The following MED12L variants were observed in gnomAD, a reference collection of about 807,000 sequenced individuals.
The protein encoded by MED12L is mediator of RNA polymerase II transcription subunit 12-like protein.
A neutral mutation model predicts 281.3 loss-of-function variants in MED12L; 60 were observed. The ratio of observed to expected loss-of-function variants is 0.21; its 90% CI spans 0.17 to 0.26. The LOEUF (loss-of-function observed/expected upper bound fraction) is 0.26, where lower values mean the gene tolerates loss of function less well. Among genes scored for constraint, MED12L ranks in the 10% least tolerant of loss-of-function variants. The pLI, the probability that MED12L is intolerant of heterozygous loss-of-function variation, is 1.00. For synonymous variants in MED12L, 974 were observed against 987.2 expected (o/e 0.99, Z 0.25); for missense variants, 2,146 against 2,680.9 (o/e 0.80, Z 4.41).
At chr3:151,349,591 A>AT (rs79411212) in intron 16 of MED12L, among the ~76,000 whole-genome samples, 19,327 of 152,020 alleles carry the variant, frequency 0.13, 2,085 homozygotes, top group African/African-American at 0.29. Flanking sequence ...GTCCAGGAAT[A>AT]TTTTTTATAA....
chr3:151,117,803 G>A (rs907728397), intron 3 of MED12L, among the ~76,000 whole-genome samples: 13 of 151,624 alleles, frequency 8.6e-5, no homozygotes, highest in African/African-American at 3.2e-4. Context: ...TATCAATTAG[G>A]AATATAGGCT....
intron 16 of MED12L, among the ~76,000 whole-genome samples, chr3:151,270,353 C>T (rs564485186): frequency 6.6e-6 from 1 of 152,098 alleles, no homozygotes; most frequent in South Asian, 2.1e-4. Flanking sequence ...GGAAAAGGAT[C>T]TCTACCCCTT....
chr3:151,183,312 G>A (rs1722920162), intron 11 of MED12L, among the ~76,000 whole-genome samples: 1 of 152,182 alleles, frequency 6.6e-6, no homozygotes, highest in Non-Finnish European at 1.5e-5. Context: ...ATTCTGCTCT[G>A]TGTTTGCTGT....
chr3:151,151,327 G>A (rs1001932890), intron 5 of MED12L, among the ~76,000 whole-genome samples: 2 of 151,804 alleles, frequency 1.3e-5, no homozygotes, highest in African/African-American at 4.8e-5. Flanking sequence ...GTGAGCCACC[G>A]CACCCAGCCT....
intron 16 of MED12L, among the ~76,000 whole-genome samples, chr3:151,257,427 G>C (rs1193659095): frequency 1.3e-5 from 2 of 152,192 alleles, no homozygotes; most frequent in African/African-American, 2.4e-5. Flanking sequence ...GCCTTAGTTA[G>C]AATACCGGCT....
At chr3:151,116,032 C>T (rs1712731067) in intron 2 of MED12L, among the ~76,000 whole-genome samples, 1 of 146,498 alleles carries the variant, frequency 6.8e-6, no homozygotes, top group Non-Finnish European at 1.5e-5. Flanking sequence ...CCGCTGCACT[C>T]CAGGCTGGGC....
intron 5 of MED12L, among the ~76,000 whole-genome samples, chr3:151,154,111 G>A (rs1718944394): frequency 6.6e-6 from 1 of 152,052 alleles, no homozygotes; most frequent in Non-Finnish European, 1.5e-5. Context: ...AATTATTAAG[G>A]AGTACAGTAC....
chr3:151,271,592 G>A (rs957534751), intron 16 of MED12L, among the ~76,000 whole-genome samples: 2 of 152,128 alleles, frequency 1.3e-5, no homozygotes, highest in Non-Finnish European at 2.9e-5. Flanking sequence ...CCAAAAGTTG[G>A]GAACAACCCA....
intron 4 of MED12L, among the ~76,000 whole-genome samples, chr3:151,127,398 A>G (rs534778380): frequency 6.6e-6 from 1 of 152,340 alleles, no homozygotes; most frequent in East Asian, 1.9e-4. Flanking sequence ...ACACAAAAAA[A>G]GGTCCTGGAT....
chr3:151,258,833 CAG>C (rs1195237317), intron 16 of MED12L, among the ~76,000 whole-genome samples: 1 of 122,824 alleles, frequency 8.1e-6, no homozygotes, highest in Non-Finnish European at 1.6e-5. Context: ...GCCTGGGCGA[CAG>C]AGCAAGATTC....
chr3:151,332,086 T>G (rs1412876019), intron 16 of MED12L, among the ~76,000 whole-genome samples: 1 of 152,210 alleles, frequency 6.6e-6, no homozygotes, highest in East Asian at 1.9e-4. Flanking sequence ...TATGCCAATG[T>G]AAATTGAGTG....
intron 16 of MED12L, among the ~76,000 whole-genome samples, chr3:151,313,922 C>CAA (rs62708661): frequency 1.1e-3 from 157 of 143,210 alleles, no homozygotes; most frequent in Middle Eastern, 3.5e-3. Flanking sequence ...GACTCCGTCT[C>CAA]AAAAAAAAAA....
chr3:151,270,899 A>T (rs182979437), intron 16 of MED12L, among the ~76,000 whole-genome samples: 1 of 152,268 alleles, frequency 6.6e-6, no homozygotes, highest in East Asian at 1.9e-4. Flanking sequence ...GTACCTGTCT[A>T]TTTTAAAATT....
At chr3:151,429,581 G>C (rs1306123456) in intron 43 of MED12L, among the ~76,000 whole-genome samples, 1 of 152,214 alleles carries the variant, frequency 6.6e-6, no homozygotes, top group Non-Finnish European at 1.5e-5. Flanking sequence ...TTTGCTTCTG[G>C]TAGATGCTGC....
chr3:151,140,537 C>T (rs1236458944), intron 5 of MED12L, among the ~76,000 whole-genome samples: 2 of 152,184 alleles, frequency 1.3e-5, no homozygotes, highest in Non-Finnish European at 2.9e-5. Flanking sequence ...AAACATATTT[C>T]AGCTTTTCCA....
At chr3:151,179,351 G>A (rs916788149) in intron 11 of MED12L, among the ~76,000 whole-genome samples, 14 of 152,082 alleles carry the variant, frequency 9.2e-5, no homozygotes, top group African/African-American at 3.4e-4. Context: ...AAAGGGCGGG[G>A]GGTTAATCAT....
chr3:151,205,012 A>G (rs888434845), intron 16 of MED12L, among the ~76,000 whole-genome samples: 2 of 152,234 alleles, frequency 1.3e-5, no homozygotes, highest in African/African-American at 4.8e-5. Context: ...TAATCTTTTA[A>G]TAGATGAATC....
intron 5 of MED12L, among the ~76,000 whole-genome samples, chr3:151,144,196 G>C (rs1717442387): frequency 6.6e-6 from 1 of 152,118 alleles, no homozygotes; most frequent in Non-Finnish European, 1.5e-5. Context: ...GCTAAAATTG[G>C]ATTCTGTGGT....
intron 16 of MED12L, among the ~76,000 whole-genome samples, chr3:151,239,435 G>A (rs952588195): frequency 6.6e-6 from 1 of 152,162 alleles, no homozygotes; most frequent in African/African-American, 2.4e-5. Flanking sequence ...CATTTTGCAA[G>A]AGATTGGACA....
Sources: allele counts gnomAD v4.1 joint callset (sites outside exome capture counted in the v4.1 genomes callset), GRCh38; gene constraint gnomAD v4.1.1; transcripts MANE v1.5; gene names NCBI Gene and HGNC (gene_info 2026-07-23, HGNC 2026-07-21).